Variants in IL34 observed in about 807,000 individuals in gnomAD.
The protein encoded by IL34 is interleukin 34.
A neutral mutation model predicts 25.3 loss-of-function variants in IL34; 17 were observed. The observed-to-expected ratio is 0.67, with a 90% CI of 0.46 to 1.01. The LOEUF is 1.01. Among genes scored for constraint, IL34 ranks in the 50% least tolerant of loss-of-function variants. IL34 has a pLI of 0.00. For synonymous variants in IL34, 174 were observed against 140.9 expected (o/e 1.23, Z -1.66); for missense variants, 368 against 312.9 (o/e 1.18, Z -1.33).
At chr16:70,612,132 A>G (rs959129986) in intron 1 of IL34, among the ~76,000 whole-genome samples, 2 of 152,232 alleles carry the variant, frequency 1.3e-5, no homozygotes, top group African/African-American at 4.8e-5. Context: ...AGCCTCCAAC[A>G]GGCCGATAGG....
intron 1 of IL34, among the ~76,000 whole-genome samples, chr16:70,592,143 C>G (rs761325069): frequency 6.6e-6 from 1 of 151,848 alleles, no homozygotes; most frequent in Non-Finnish European, 1.5e-5. Context: ...CTCCATAGCC[C>G]TCCTCCTGGC....
At chr16:70,594,352 A>C (rs2050791823) in intron 1 of IL34, among the ~76,000 whole-genome samples, 3 of 152,210 alleles carry the variant, frequency 2.0e-5, no homozygotes, top group Admixed American at 2.0e-4. Context: ...ATTTATAGTG[A>C]AGAATTTTAT....
intron 1 of IL34, among the ~76,000 whole-genome samples, chr16:70,625,785 G>A (rs2051379561): frequency 6.6e-6 from 1 of 152,214 alleles, no homozygotes; most frequent in African/African-American, 2.4e-5. Flanking sequence ...AGAGATTGAA[G>A]TGTGACGCCA....
chr16:70,647,122 C>T, intron 1 of IL34, 147 bp downstream of exon 1: 1 of 754,794 alleles, frequency 1.3e-6, no homozygotes, highest in East Asian at 3.4e-5. Flanking sequence ...CTGAGATTCC[C>T]ACGGCCGCCG....
At chr16:70,605,784 C>T (rs2151822103) in intron 1 of IL34, among the ~76,000 whole-genome samples, 1 of 152,084 alleles carries the variant, frequency 6.6e-6, no homozygotes, top group African/African-American at 2.4e-5. Context: ...GATTTTCCTG[C>T]CTCAGCCTCC....
chr16:70,642,154 G>A (rs1038253772), upstream of IL34, among the ~76,000 whole-genome samples: 1 of 152,130 alleles, frequency 6.6e-6, no homozygotes, highest in Non-Finnish European at 1.5e-5. Flanking sequence ...TTGATTTCCG[G>A]TGAGGGCTCT....
intron 1 of IL34, among the ~76,000 whole-genome samples, chr16:70,589,120 C>G (rs1161571680): frequency 6.6e-6 from 1 of 152,056 alleles, no homozygotes; most frequent in Non-Finnish European, 1.5e-5. Context: ...TCGCTTGAAC[C>G]CGGGAGGTGG....
chr16:70,610,800 G>A (rs2051078870), intron 1 of IL34, among the ~76,000 whole-genome samples: 2 of 152,226 alleles, frequency 1.3e-5, no homozygotes, highest in Admixed American at 6.5e-5. Context: ...GACAGTGGGT[G>A]AAGCTAGGGT....
intron 1 of IL34, among the ~76,000 whole-genome samples, chr16:70,637,534 G>C (rs369473462): frequency 9.2e-5 from 14 of 152,128 alleles, no homozygotes; most frequent in African/African-American, 2.7e-4. Flanking sequence ...AGTAGAGACG[G>C]GGTTTTACCA....
intron 1 of IL34, among the ~76,000 whole-genome samples, chr16:70,612,983 G>A (rs1443006385): frequency 6.6e-6 from 1 of 152,136 alleles, no homozygotes; most frequent in Non-Finnish European, 1.5e-5. Context: ...GTGTTGGCCA[G>A]GCTGGTCTCG....
At chr16:70,611,388 T>C (rs896521289) in intron 1 of IL34, among the ~76,000 whole-genome samples, 47 of 152,104 alleles carry the variant, frequency 3.1e-4, no homozygotes, top group African/African-American at 1.1e-3. Flanking sequence ...TGGAGATACC[T>C]GGGAGTTTAT....
intron 1 of IL34, chr16:70,654,321 G>C: frequency 2.0e-6 from 1 of 497,370 alleles, no homozygotes; most frequent in Non-Finnish European, 3.5e-6. Flanking sequence ...CATGGGGTGG[G>C]TGTGGACTCT....
chr16:70,642,294 CTTTTTTTT>C, upstream of IL34, among the ~76,000 whole-genome samples: 1 of 116,938 alleles, frequency 8.6e-6, no homozygotes, highest in East Asian at 2.5e-4. Flanking sequence ...ACTCTGATGT[CTTTTTTTT>C]TTTTTTTTTT....
chr16:70,589,160 G>T (rs1048699020), intron 1 of IL34, among the ~76,000 whole-genome samples: 1 of 152,042 alleles, frequency 6.6e-6, no homozygotes, highest in Non-Finnish European at 1.5e-5. Flanking sequence ...TCACGCCATT[G>T]CACTCCAGTC....
chr16:70,636,337 A>G (rs2051643557), intron 1 of IL34, among the ~76,000 whole-genome samples: 2 of 152,018 alleles, frequency 1.3e-5, no homozygotes, highest in Non-Finnish European at 2.9e-5. Flanking sequence ...TGCCAGGCCC[A>G]GGGTCTGTAT....
At position 70,654,545 on chromosome 16, in the gene IL34, G is replaced by T; in HGVS notation, c.36G>T (p.Gly12=). The part of the protein sequence containing the change: ...PRGFTWLRYL[G]IFLGVALGNE... Reference sequence around the variant, plus strand: ...GTCGGGTGTGGTCCACAGATCTTGGGATCTTCCTTGGCGTGGCCTTGGGGA... The same window carrying T: ...GTCGGGTGTGGTCCACAGATCTTGGTATCTTCCTTGGCGTGGCCTTGGGGA... Residue 12 remains glycine, a synonymous_variant, in exon 2 of 6, where the codon GGG becomes GGT. Transcript: ENST00000288098. 1 of 1,609,906 alleles carries T rather than the reference G, an allele frequency of 6.2e-7. No homozygotes were observed. The highest frequency in any genetic ancestry group is 8.5e-7 in the Non-Finnish European group (1 of 1,176,902).
upstream of IL34, among the ~76,000 whole-genome samples, chr16:70,644,669 C>A (rs1234389586): frequency 7.6e-6 from 1 of 132,282 alleles, no homozygotes; most frequent in Non-Finnish European, 1.6e-5. Flanking sequence ...TGTAGTGATG[C>A]TGTAACAGCA....
rs141513638 is a variant in IL34 at position 70,660,153 on chromosome 16, C to G, written c.695C>G (p.Pro232Arg). The G allele has an allele frequency of 2.5e-6, 4 of 1,606,494 alleles. No homozygotes were observed. The South Asian group carries it at 4.4e-5, about 18-fold the overall frequency. The change falls in exon 6 of 6, where the codon CCG becomes CGG. Residue 232 changes from proline (P) to arginine (R), a missense_variant. Physicochemically the swap from Pro to Arg is moderately radical, Grantham distance 103 (BLOSUM62 -2). Transcript: ENST00000288098. ...SPPHSTGSVR[P>R]VRAQGEGLLP ...CCTCACTCCACGGGCTCGGTGAGGC[C>G]GGTCAGGGCACAGGGCGAGGGCCTC...
intron 1 of IL34, among the ~76,000 whole-genome samples, chr16:70,593,482 C>T (rs2050780073): frequency 6.6e-6 from 1 of 151,988 alleles, no homozygotes; most frequent in Admixed American, 6.6e-5. Context: ...TAAGGTCAGA[C>T]CTTAGAATCA....
Sources: allele counts gnomAD v4.1 joint callset (sites outside exome capture counted in the v4.1 genomes callset), GRCh38; gene constraint gnomAD v4.1.1; transcripts MANE v1.5; gene names NCBI Gene and HGNC (gene_info 2026-07-23, HGNC 2026-07-21).